FAM114A1: variants seen among roughly 807,000 people sequenced by gnomAD.
FAM114A1 encodes protein NOXP20.
FAM114A1 carries 62 observed loss-of-function variants against 64.3 expected under a neutral mutation model. The ratio of observed to expected loss-of-function variants is 0.96; its 90% CI spans 0.79 to 1.19. FAM114A1 has a LOEUF of 1.19. Ranked by LOEUF, FAM114A1 falls within the 50% of genes most tolerant of loss-of-function variation. The pLI is 0.00. For missense variants in FAM114A1, 645 were observed against 676.3 expected (o/e 0.95, Z 0.51); for synonymous variants, 254 against 251.1 (o/e 1.01, Z -0.11).
chr4:38,890,565 C>T (rs575334955), intron 3 of FAM114A1, among the ~76,000 whole-genome samples: 1 of 152,166 alleles, frequency 6.6e-6, no homozygotes, highest in East Asian at 1.9e-4. Flanking sequence ...CTTCCTTCTT[C>T]TCTTTTGAGT....
intron 12 of FAM114A1, among the ~76,000 whole-genome samples, chr4:38,935,434 A>G (rs12506108): frequency 0.15 from 22,529 of 152,170 alleles, 1,876 homozygotes; most frequent in African/African-American, 0.19. Flanking sequence ...CTCAAGCCTG[A>G]TATTTTCCTG....
chr4:38,931,993 G>A (rs1320190420), intron 11 of FAM114A1, among the ~76,000 whole-genome samples: 6 of 152,202 alleles, frequency 3.9e-5, no homozygotes, highest in Non-Finnish European at 2.9e-5. Flanking sequence ...TTTGTACCCA[G>A]CATTGCTGTA....
At chr4:38,872,641 T>A (rs1714194008) in intron 2 of FAM114A1, among the ~76,000 whole-genome samples, 1 of 152,224 alleles carries the variant, frequency 6.6e-6, no homozygotes, top group Non-Finnish European at 1.5e-5. Context: ...TCCATACGAC[T>A]CATGTGAGGA....
intron 2 of FAM114A1, among the ~76,000 whole-genome samples, chr4:38,875,681 T>G (rs945601260): frequency 2.6e-5 from 4 of 152,232 alleles, no homozygotes; most frequent in South Asian, 2.1e-4. Context: ...TGGCTAGGAC[T>G]TCCACTATTG....
chr4:38,937,357 G>T (rs1317787323), intron 13 of FAM114A1, among the ~76,000 whole-genome samples: 1 of 152,076 alleles, frequency 6.6e-6, no homozygotes, highest in African/African-American at 2.4e-5. Context: ...CTTGCCTTGT[G>T]GCTGCAAAAC....
chr4:38,909,650 C>T (rs550037521), intron 7 of FAM114A1, among the ~76,000 whole-genome samples: 34 of 152,182 alleles, frequency 2.2e-4, no homozygotes, highest in South Asian at 1.0e-3. Flanking sequence ...ACCTCCTCCA[C>T]GAGAGACTGA....
chr4:38,888,820 C>T (rs1441341330), intron 3 of FAM114A1, among the ~76,000 whole-genome samples: 1 of 152,192 alleles, frequency 6.6e-6, no homozygotes, highest in African/African-American at 2.4e-5. Flanking sequence ...AATAGGCAAT[C>T]TGAGCAGCTC....
chr4:38,941,177 C>CT (rs1721556333), intron 14 of FAM114A1, among the ~76,000 whole-genome samples, 156 bp downstream of exon 14: 1 of 151,786 alleles, frequency 6.6e-6, no homozygotes, highest in Non-Finnish European at 1.5e-5. Context: ...GCTCAACCAG[C>CT]TGTAAACCCT....
At position 38,936,584 on chromosome 4, in the gene FAM114A1, G is replaced by A. The variant is rs1371262757; in HGVS notation, c.1536+794G>A. On this transcript the variant is annotated intron_variant, in intron 13 of 14. Transcript: ENST00000358869. ...TTTTTTTTTTTTGAGACTGAGTCTC[G>A]CCCTGTCGCCCAGCCTGGAGTGCAG... 4.4e-4 allele frequency among the ~76,000 whole-genome samples: 54 copies of A among 123,312 alleles called. No homozygotes were observed. In the East Asian group the frequency reaches 5.2e-3, roughly 12 times the overall value. The allele number at this position is 123,312 out of a possible 152,430, so 80.9% of individuals were successfully genotyped here.
chr4:38,874,935 G>A (rs1258777058), intron 2 of FAM114A1, among the ~76,000 whole-genome samples: 4 of 152,190 alleles, frequency 2.6e-5, no homozygotes, highest in East Asian at 1.9e-4. Context: ...TAGGGAGTCC[G>A]TTCCCCATTG....
At chr4:38,896,449 A>G (rs1261673191) in intron 4 of FAM114A1, among the ~76,000 whole-genome samples, 10 of 152,240 alleles carry the variant, frequency 6.6e-5, no homozygotes, top group Non-Finnish European at 1.5e-4. Flanking sequence ...GAACTAAAGC[A>G]TGTAGCCTAA....
At chr4:38,879,606 G>A (rs1258665042) in intron 3 of FAM114A1, among the ~76,000 whole-genome samples, 2 of 152,000 alleles carry the variant, frequency 1.3e-5, no homozygotes, top group Non-Finnish European at 2.9e-5. Context: ...CTTCCTCAGG[G>A]GCAAGGTGTT....
intron 9 of FAM114A1, among the ~76,000 whole-genome samples, chr4:38,924,606 T>C (rs1719932741): frequency 6.6e-6 from 1 of 152,102 alleles, no homozygotes; most frequent in African/African-American, 2.4e-5. Flanking sequence ...TGCATCAAAA[T>C]AAAAGAATCA....
chr4:38,871,464 A>G (rs553018161), intron 2 of FAM114A1, among the ~76,000 whole-genome samples: 1 of 152,076 alleles, frequency 6.6e-6, no homozygotes. Flanking sequence ...ATTTTAAACA[A>G]TAATCTATAA....
chr4:38,886,707 C>T (rs979003635), intron 3 of FAM114A1, among the ~76,000 whole-genome samples: 3 of 151,448 alleles, frequency 2.0e-5, no homozygotes, highest in Admixed American at 6.6e-5. Context: ...GCGGGCAGAT[C>T]ACCTGAGGTC....
At chr4:38,940,083 G>T (rs1721470706) in intron 13 of FAM114A1, among the ~76,000 whole-genome samples, 1 of 151,888 alleles carries the variant, frequency 6.6e-6, no homozygotes, top group Non-Finnish European at 1.5e-5. Context: ...TGGACACAGG[G>T]TTTCGCCATG....
chr4:38,873,471 T>C lies in FAM114A1; in HGVS notation c.-8-4600T>C, dbSNP rs74999968. Among the ~76,000 whole-genome samples the C allele has an allele frequency of 6.5e-3, 986 of 152,296 alleles. 15 individuals are homozygous for C. Among genetic ancestry groups the C allele is most frequent in the African/African-American group, 0.022 (905 of 41,552 alleles). ...GCCATGCCAAGTACTATGTAGAATA[T>C]GAATACAAAACAAGGAAGGTCTTTG... is the stretch of plus-strand genomic sequence containing the variant. On this transcript the variant is annotated intron_variant, in intron 2 of 14. Coordinates refer to ENST00000358869, the MANE Select transcript of FAM114A1 (RefSeq NM_138389.4).
chr4:38,915,115 G>A (rs376092782), intron 8 of FAM114A1, 42 bp downstream of exon 8: 1 of 1,594,926 alleles, frequency 6.3e-7, no homozygotes, highest in Non-Finnish European at 8.5e-7. Flanking sequence ...GCTTAGTCAT[G>A]TGTTGCTTAA....
intron 7 of FAM114A1, among the ~76,000 whole-genome samples, chr4:38,913,091 T>G (rs572525536): frequency 6.6e-6 from 1 of 152,334 alleles, no homozygotes; most frequent in East Asian, 1.9e-4. Flanking sequence ...CCAAAGTCTA[T>G]TCTTCAGTTG....
Sources: allele counts gnomAD v4.1 joint callset (sites outside exome capture counted in the v4.1 genomes callset), GRCh38; gene constraint gnomAD v4.1.1; transcripts MANE v1.5; gene names NCBI Gene and HGNC (gene_info 2026-07-23, HGNC 2026-07-21).